Variants in RAP1GDS1 observed in about 807,000 individuals in gnomAD.
RAP1GDS1 encodes the protein RAP1, GTP-GDP dissociation stimulator 1.
RAP1GDS1 carries 35 observed loss-of-function variants against 71.1 expected under a neutral mutation model. That is an observed-to-expected ratio of 0.49 (90% CI 0.38 to 0.65). The LOEUF is 0.65. Among genes scored for constraint, RAP1GDS1 ranks in the 30% least tolerant of loss-of-function variants. The pLI is 0.00. For synonymous variants in RAP1GDS1, 229 were observed against 243.1 expected (o/e 0.94, Z 0.54); for missense variants, 663 against 706.1 (o/e 0.94, Z 0.69).
At chr4:98,374,273 G>A (rs1217123147) in intron 4 of RAP1GDS1, among the ~76,000 whole-genome samples, 1 of 152,012 alleles carries the variant, frequency 6.6e-6, no homozygotes, top group Non-Finnish European at 1.5e-5. Flanking sequence ...GTCTTTTCTT[G>A]GTTTGTTGAG....
chr4:98,397,712 C>T (rs1324468111), intron 6 of RAP1GDS1, among the ~76,000 whole-genome samples: 3 of 152,092 alleles, frequency 2.0e-5, no homozygotes, highest in African/African-American at 2.4e-5. Context: ...ACCCTCTTTC[C>T]CCTTTCACAC....
intron 1 of RAP1GDS1, among the ~76,000 whole-genome samples, chr4:98,290,005 C>A (rs1013363367): frequency 6.6e-6 from 1 of 151,724 alleles, no homozygotes; most frequent in African/African-American, 2.4e-5. Context: ...AATTGAGTGA[C>A]ATTTGAAGTG....
chr4:98,346,005 A>G (rs896686504), intron 3 of RAP1GDS1, among the ~76,000 whole-genome samples: 1 of 152,172 alleles, frequency 6.6e-6, no homozygotes, highest in South Asian at 2.1e-4. Context: ...CTGTAGCAGC[A>G]ACAGACTCAC....
At chr4:98,355,338 A>G (rs1316371387) in intron 4 of RAP1GDS1, among the ~76,000 whole-genome samples, 3 of 152,172 alleles carry the variant, frequency 2.0e-5, no homozygotes, top group Non-Finnish European at 4.4e-5. Context: ...AAGAGTTCAT[A>G]TATTTGTGTT....
chr4:98,374,824 G>A (rs1018949274), intron 4 of RAP1GDS1, among the ~76,000 whole-genome samples: 10 of 152,064 alleles, frequency 6.6e-5, no homozygotes, highest in Non-Finnish European at 1.2e-4. Context: ...GCTTGGACCC[G>A]TTCCCGCACA....
intron 1 of RAP1GDS1, among the ~76,000 whole-genome samples, chr4:98,269,303 A>G (rs1723133337): frequency 6.6e-6 from 1 of 152,126 alleles, no homozygotes; most frequent in African/African-American, 2.4e-5. Context: ...CATCCCATAT[A>G]CAAAAATCAG....
rs1578768762 is a variant in RAP1GDS1, at chr4:98,407,386, C to A, written c.763+2784C>A. On this transcript the variant is annotated intron_variant, in intron 7 of 14. Coordinates refer to ENST00000408927, the MANE Select transcript of RAP1GDS1 (RefSeq NM_001100427.2). The stretch of plus-strand genomic sequence containing the variant: ...ACAAAATCCAAGAGTAATATATATT[C>A]TTTTAAAAAGCAGAAGAAAAGATAG... Among the ~76,000 whole-genome samples the A allele has an allele frequency of 2.0e-5, 3 of 151,802 alleles. No homozygotes were observed. The South Asian group carries it at 6.2e-4, about 32-fold the overall frequency.
At chr4:98,438,264 T>C in intron 14 of RAP1GDS1, among the ~76,000 whole-genome samples, 1 of 151,776 alleles carries the variant, frequency 6.6e-6, no homozygotes, top group Non-Finnish European at 1.5e-5. Context: ...TATTTTATTT[T>C]CTTTCATGTG....
At position 98,443,754 on chromosome 4, in the gene RAP1GDS1, T is replaced by C. The variant is rs1489865795; in HGVS notation, c.*1637T>C. On this transcript the variant is annotated 3_prime_UTR_variant, in exon 15 of 15. Coordinates refer to ENST00000408927, the MANE Select transcript of RAP1GDS1 (RefSeq NM_001100427.2). ...AGAATGATACTGTTTGTTGTCTTTCTCCTGGGCTGGATAGTGGACTATATT... is the reference window on the plus strand; with the variant it reads ...AGAATGATACTGTTTGTTGTCTTTCCCCTGGGCTGGATAGTGGACTATATT... 1 of 191,136 alleles carries C rather than the reference T, an allele frequency of 5.2e-6. No homozygotes were observed. The highest frequency in any genetic ancestry group is 2.3e-5 in the African/African-American group (1 of 42,934). The allele number at this position is 191,136 out of a possible 1,614,324, so 11.8% of individuals were successfully genotyped here.
chr4:98,296,106 TTTTA>T (rs1274571902), intron 2 of RAP1GDS1, among the ~76,000 whole-genome samples: 1 of 151,994 alleles, frequency 6.6e-6, no homozygotes, highest in Non-Finnish European at 1.5e-5. Flanking sequence ...GTGTCAGGTG[TTTTA>T]ACTAAAAATA....
At chr4:98,275,030 G>A (rs951163159) in intron 1 of RAP1GDS1, among the ~76,000 whole-genome samples, 67 of 151,840 alleles carry the variant, frequency 4.4e-4, no homozygotes, top group African/African-American at 1.5e-3. Context: ...GTGTGTGTGT[G>A]TGTGTGTGTG....
chr4:98,336,584 GCTAT>G (rs1325583627), intron 2 of RAP1GDS1, among the ~76,000 whole-genome samples: 2 of 152,010 alleles, frequency 1.3e-5, no homozygotes, highest in Non-Finnish European at 2.9e-5. Flanking sequence ...TTTTTGTTCT[GCTAT>G]CTTTCTTTTC....
chr4:98,299,698 G>A (rs749089452), intron 2 of RAP1GDS1, among the ~76,000 whole-genome samples: 2 of 150,732 alleles, frequency 1.3e-5, no homozygotes, highest in South Asian at 2.1e-4. Context: ...GCAGTGGCAC[G>A]ATCTCAGCTC....
intron 2 of RAP1GDS1, among the ~76,000 whole-genome samples, chr4:98,318,801 A>G (rs556541586): frequency 1.2e-4 from 18 of 152,340 alleles, no homozygotes; most frequent in Admixed American, 4.6e-4. Flanking sequence ...TCTGAATCAG[A>G]TGGAAGTGTG....
At chr4:98,342,187 G>C (rs889345982) in intron 2 of RAP1GDS1, among the ~76,000 whole-genome samples, 1 of 152,024 alleles carries the variant, frequency 6.6e-6, no homozygotes, top group Non-Finnish European at 1.5e-5. Flanking sequence ...TATAAAAAAT[G>C]ATTTTCCTCC....
intron 6 of RAP1GDS1, among the ~76,000 whole-genome samples, chr4:98,394,272 A>C (rs1358468590): frequency 2.0e-5 from 3 of 152,086 alleles, no homozygotes. Flanking sequence ...ACCTCATGAG[A>C]GGAGAGTTGT....
At chr4:98,378,208 A>G (rs1192705157) in intron 4 of RAP1GDS1, among the ~76,000 whole-genome samples, 2 of 151,656 alleles carry the variant, frequency 1.3e-5, no homozygotes, top group African/African-American at 2.4e-5. Flanking sequence ...CTTTTAATTT[A>G]TTTTCATTCT....
rs769560235 is a variant in RAP1GDS1, at chr4:98,293,421, T to C, written c.18T>C (p.Asp6=). 4 of 1,599,820 alleles carry C rather than the reference T, an allele frequency of 2.5e-6. No individual in the cohort carries two copies. The change falls in exon 2 of 15, where the codon GAT becomes GAC. Residue 6 remains aspartate, a synonymous_variant. Coordinates refer to ENST00000408927, the MANE Select transcript of RAP1GDS1 (RefSeq NM_001100427.2). ...TTCTTTAAGCAGATAATCTCAGTGATACCTTGAAGAAGCTGAAGATAACAG... is the reference window on the plus strand; with the variant it reads ...TTCTTTAAGCAGATAATCTCAGTGACACCTTGAAGAAGCTGAAGATAACAG... MDNLS[D]TLKKLKITAV...
intron 4 of RAP1GDS1, among the ~76,000 whole-genome samples, chr4:98,378,218 T>TTATG (rs985436410): frequency 8.6e-5 from 13 of 151,928 alleles, no homozygotes; most frequent in African/African-American, 3.1e-4. Flanking sequence ...ATTTTCATTC[T>TTATG]TATGTTCAAA....
Sources: allele counts gnomAD v4.1 joint callset (sites outside exome capture counted in the v4.1 genomes callset), GRCh38; gene constraint gnomAD v4.1.1; transcripts MANE v1.5; gene names NCBI Gene and HGNC (gene_info 2026-07-23, HGNC 2026-07-21).